The following ZNF66 variants were observed in gnomAD, a reference collection of about 807,000 sequenced individuals.
ZNF66 encodes the protein putative zinc finger protein 66.
Under a neutral mutation model 35.2 loss-of-function variants are expected in ZNF66, and 32 were observed. That is an observed-to-expected ratio of 0.91 (90% CI 0.69 to 1.22). ZNF66 has a LOEUF of 1.22. ZNF66 is among the 50% of genes most tolerant of loss of function. ZNF66 has a pLI of 0.00. For missense variants in ZNF66, 666 were observed against 543.1 expected, an observed-to-expected ratio of 1.23 and a Z score of -2.25; for synonymous variants, 231 against 181.3, an observed-to-expected ratio of 1.27 and a Z score of -2.20.
chr19:20,778,682 C>T (rs1971217596), intron 1 of ZNF66, among the ~76,000 whole-genome samples: 1 of 150,884 alleles, frequency 6.6e-6, no homozygotes, highest in South Asian at 2.1e-4. Flanking sequence ...ACTTGGGAGG[C>T]TGAGGAACAA....
At chr19:20,787,031 G>A (rs1475555798) in intron 1 of ZNF66, among the ~76,000 whole-genome samples, 1 of 152,112 alleles carries the variant, frequency 6.6e-6, no homozygotes, top group Non-Finnish European at 1.5e-5. Flanking sequence ...AAAGTGCTGG[G>A]ATTACAGGCT....
At chr19:20,788,954 G>T (rs1971311902) in intron 1 of ZNF66, among the ~76,000 whole-genome samples, 1 of 151,832 alleles carries the variant, frequency 6.6e-6, no homozygotes, top group Non-Finnish European at 1.5e-5. Flanking sequence ...AGGAGGCTGA[G>T]GTAGAAGAAT....
rs1971544894 is a variant in ZNF66, at chr19:20,808,196, C to T, written c.*874C>T. 6.6e-6 allele frequency among the ~76,000 whole-genome samples: 1 copy of T among 152,180 alleles called. No homozygotes were observed. The highest frequency in any genetic ancestry group is 2.4e-5 in the African/African-American group (1 of 41,460). ...ATTGCCCAGGCTTGCTTAGGTAAAG[C>T]AGCTGGGAAGCTAGAACTGGGTGGA... is the stretch of plus-strand genomic sequence containing the variant. On this transcript the variant is annotated 3_prime_UTR_variant, in exon 4 of 4. Transcript: ENST00000344519.
intron 2 of ZNF66, among the ~76,000 whole-genome samples, chr19:20,793,327 C>A (rs201109063): frequency 1.3e-5 from 1 of 74,718 alleles, no homozygotes; most frequent in South Asian, 5.3e-4. Flanking sequence ...CTTTTCTTTT[C>A]TTTTCTTTTT....
intron 1 of ZNF66, among the ~76,000 whole-genome samples, chr19:20,778,127 A>G (rs1258549600): frequency 6.6e-6 from 1 of 152,134 alleles, no homozygotes; most frequent in Non-Finnish European, 1.5e-5. Context: ...TTTGAAACAG[A>G]GTCTCACTCC....
At position 20,807,622 on chromosome 19, in the gene ZNF66, C is replaced by T. The variant is rs561077020; in HGVS notation, c.*300C>T. 5.3e-5 allele frequency among the ~76,000 whole-genome samples: 8 copies of T among 151,420 alleles called. No homozygotes were observed. Among genetic ancestry groups the T allele is most frequent in the Non-Finnish European group, 1.0e-4 (7 of 67,936 alleles). On this transcript the variant is annotated 3_prime_UTR_variant, in exon 4 of 4. Coordinates refer to ENST00000344519, the MANE Select transcript of ZNF66 (RefSeq NM_001355197.2). Reference sequence around the variant, plus strand: ...TGAGATGAAGTTTCATGCTTGTCACCCAAGCTGGAATACAATGTGATGATC... The same window carrying T: ...TGAGATGAAGTTTCATGCTTGTCACTCAAGCTGGAATACAATGTGATGATC...
intron 3 of ZNF66, among the ~76,000 whole-genome samples, chr19:20,796,301 A>C (rs1971392271): frequency 6.6e-6 from 1 of 151,928 alleles, no homozygotes; most frequent in Non-Finnish European, 1.5e-5. Context: ...CTCCCTATAC[A>C]TTTTTACTTT....
At chr19:20,798,776 A>G (rs1971419057) in intron 3 of ZNF66, among the ~76,000 whole-genome samples, 1 of 152,344 alleles carries the variant, frequency 6.6e-6, no homozygotes, top group South Asian at 2.1e-4. Flanking sequence ...GGAATCATAC[A>G]GTATCCATAA....
Position 20,789,616 on chromosome 19 carries a change from CTCTT to C in ZNF66, c.4-2888_4-2885del, listed in dbSNP as rs572518089. ...AAAATTTTGTCTAAACTACATTAAC[CTCTT>C]TCTTTCTGTATCTCTTTCATCTGTC... On this transcript the variant is annotated intron_variant, in intron 1 of 3. Transcript: ENST00000344519. Among the ~76,000 whole-genome samples the C allele has an allele frequency of 1.7e-3, 261 of 152,102 alleles. 1 individual carries two copies. The highest frequency in any genetic ancestry group is 5.8e-3 in the African/African-American group (240 of 41,500).
rs10418026 is a variant in ZNF66 at position 20,806,968 on chromosome 19, A to G, written c.1368A>G (p.Glu456=). The change falls in exon 4 of 4, where the codon GAA becomes GAG. Residue 456 remains glutamate, a synonymous_variant. Coordinates refer to ENST00000344519, the MANE Select transcript of ZNF66 (RefSeq NM_001355197.2). ...IHTGEKPYEC[E]DCGKAFNRSS... The stretch of plus-strand genomic sequence containing the variant: ...CTGGAGAGAAACCCTACGAATGTGA[A>G]GACTGTGGCAAAGCCTTTAACCGCT... 39 of 1,096,694 alleles carry G rather than the reference A, an allele frequency of 3.6e-5. No individual in the cohort carries two copies. The African/African-American group carries it at 5.5e-4, about 15-fold the overall frequency. The allele number at this position is 1,096,694 out of a possible 1,614,324, so 67.9% of individuals were successfully genotyped here.
Position 20,808,584 on chromosome 19 carries a change from A to C in ZNF66, c.*1262A>C, listed in dbSNP as rs1335231667. ...CACTGATGCTGATACCCAGGCAAAC[A>C]GCGTCTGGAGTGGACCTCTAGCAAA... On this transcript the variant is annotated 3_prime_UTR_variant, in exon 4 of 4. Transcript: ENST00000344519. 6.6e-6 allele frequency among the ~76,000 whole-genome samples: 1 copy of C among 152,166 alleles called. No individual in the cohort carries two copies. The highest frequency in any genetic ancestry group is 1.5e-5 in the Non-Finnish European group (1 of 68,032).
rs557948983 is a variant in ZNF66 at position 20,806,073 on chromosome 19, C to G, written c.473C>G (p.Ser158Ter). The G allele has an allele frequency of 2.3e-6, 2 of 861,590 alleles. No individual in the cohort carries two copies. Among genetic ancestry groups the G allele is most frequent in the East Asian group, 4.8e-5 (2 of 41,632 alleles). 53.4% of individuals were successfully genotyped at this position (861,590 alleles called of 1,614,324 possible). The change falls in exon 4 of 4, where the codon TCA (serine) becomes TGA (stop). Residue 158 changes from serine to a stop codon, truncating the protein, a stop_gained. Transcript: ENST00000344519. LOFTEE classifies it high-confidence loss of function. Reference protein sequence around the residue: ...DKHGKVFHQFSNTNRHKIRHT... With the variant: ...DKHGKVFHQF Reference sequence around the variant, plus strand: ...CATGGGAAAGTCTTTCATCAATTTTCAAATACAAACAGACATAAGATAAGA... The same window carrying G: ...CATGGGAAAGTCTTTCATCAATTTTGAAATACAAACAGACATAAGATAAGA...
At chr19:20,776,735 C>A (rs567875293) in intron 1 of ZNF66, among the ~76,000 whole-genome samples, 4 of 152,264 alleles carry the variant, frequency 2.6e-5, no homozygotes, top group Admixed American at 6.5e-5. Flanking sequence ...GGAGGGTCTT[C>A]AGGGGAGAAT....
chr19:20,782,219 A>G (rs1971251555), intron 1 of ZNF66, among the ~76,000 whole-genome samples: 1 of 152,236 alleles, frequency 6.6e-6, no homozygotes, highest in African/African-American at 2.4e-5. Flanking sequence ...TGCTGGAATT[A>G]CAGGCATGGG....
At chr19:20,801,600 C>G (rs1971447731) in intron 3 of ZNF66, among the ~76,000 whole-genome samples, 2 of 152,088 alleles carry the variant, frequency 1.3e-5, no homozygotes, top group Non-Finnish European at 2.9e-5. Flanking sequence ...CCACCTTGGC[C>G]TCCCAAACTA....
In ZNF66 at chr19:20,776,402, T is replaced by C. The variant is rs1376439264; in HGVS notation, c.-46T>C. ...CTGTGGCCCTGTGTCCTGCAGGTAT[T>C]GGGAGATCCACAGCTAAGACGCCAG... On this transcript the variant is annotated 5_prime_UTR_variant, in exon 1 of 4. Transcript: ENST00000344519. 6.4e-7 allele frequency: 1 copy of C among 1,552,978 alleles called. No individual in the cohort carries two copies. The highest frequency in any genetic ancestry group is 2.3e-5 in the East Asian group (1 of 44,382).
At position 20,806,534 on chromosome 19, in the gene ZNF66, C is replaced by A; in HGVS notation, c.934C>A (p.Pro312Thr). Residue 312 changes from proline to threonine, a missense_variant, in exon 4 of 4, where the codon CCC (proline) becomes ACC (threonine). By Grantham distance (38) the Pro-to-Thr change is conservative (BLOSUM62 -1). Transcript: ENST00000344519. ...THKIIHTGEK[P>T]YKCEECGKAF... ...TAAGATAATTCATACTGGAGAGAAA[C>A]CCTACAAATGTGAAGAATGTGGTAA... The A allele has an allele frequency of 6.5e-7, 1 of 1,539,776 alleles. No homozygotes were observed. Among genetic ancestry groups the A allele is most frequent in the Non-Finnish European group, 9.0e-7 (1 of 1,113,648 alleles).
intron 1 of ZNF66, among the ~76,000 whole-genome samples, chr19:20,780,400 T>A (rs1971235156): frequency 6.6e-6 from 1 of 152,176 alleles, no homozygotes. Flanking sequence ...CATATTAAAC[T>A]GGTAAACATA....
intron 3 of ZNF66, among the ~76,000 whole-genome samples, chr19:20,802,723 C>T (rs1267675147): frequency 6.6e-6 from 1 of 152,140 alleles, no homozygotes; most frequent in East Asian, 1.9e-4. Context: ...GCCTTCTAGT[C>T]CTCTGTTCCC....
Sources: allele counts gnomAD v4.1 joint callset (sites outside exome capture counted in the v4.1 genomes callset), GRCh38; gene constraint gnomAD v4.1.1; transcripts MANE v1.5; gene names NCBI Gene and HGNC (gene_info 2026-07-23, HGNC 2026-07-21).